The following DPYD variants were observed in gnomAD, a reference collection of about 807,000 sequenced individuals.
DPYD encodes the protein dihydropyrimidine dehydrogenase [NADP(+)].
Under a neutral mutation model 116.2 loss-of-function variants are expected in DPYD, and 109 were observed. The observed-to-expected ratio is 0.94, with a 90% CI of 0.80 to 1.10. The LOEUF is 1.10. DPYD is among the 50% of genes least tolerant of loss of function. DPYD has a pLI of 0.00. For synonymous variants in DPYD, 440 were observed against 432.0 expected, an observed-to-expected ratio of 1.02 and a Z score of -0.23; for missense variants, 1,302 against 1,254.5, an observed-to-expected ratio of 1.04 and a Z score of -0.57.
chr1:97,272,348 CT>C (rs1557989237), intron 18 of DPYD, among the ~76,000 whole-genome samples: 1 of 152,110 alleles, frequency 6.6e-6, no homozygotes, highest in Non-Finnish European at 1.5e-5. Flanking sequence ...TGTCTTTTAA[CT>C]GAGTAAACGA....
chr1:97,583,359 C>T (rs572157639), intron 10 of DPYD, among the ~76,000 whole-genome samples: 74 of 152,216 alleles, frequency 4.9e-4, no homozygotes, highest in Middle Eastern at 6.8e-3. Flanking sequence ...GGTACATGTG[C>T]ACAATGTGCA....
intron 2 of DPYD, among the ~76,000 whole-genome samples, chr1:97,851,622 T>C (rs554178624): frequency 4.0e-4 from 61 of 151,646 alleles, no homozygotes; most frequent in African/African-American, 1.5e-3. Context: ...GAAGTCCAAA[T>C]ATGATATTTA....
At chr1:97,592,954 T>C (rs992399992) in intron 10 of DPYD, among the ~76,000 whole-genome samples, 12 of 152,172 alleles carry the variant, frequency 7.9e-5, no homozygotes, top group East Asian at 7.7e-4. Flanking sequence ...ACTAGTTACA[T>C]AGAATACATT....
intron 1 of DPYD, among the ~76,000 whole-genome samples, chr1:97,897,033 CTAT>C (rs1308038507): frequency 1.3e-5 from 2 of 151,828 alleles, no homozygotes; most frequent in African/African-American, 2.4e-5. Flanking sequence ...TTTTTACCTA[CTAT>C]TGTTTCCTTT....
intron 13 of DPYD, among the ~76,000 whole-genome samples, chr1:97,470,119 A>G (rs1008235403): frequency 6.6e-6 from 1 of 152,184 alleles, no homozygotes; most frequent in South Asian, 2.1e-4. Flanking sequence ...GATTCTCATA[A>G]ACTTCATACA....
chr1:97,544,587 C>T (rs1256059129), intron 12 of DPYD, among the ~76,000 whole-genome samples: 1 of 151,470 alleles, frequency 6.6e-6, no homozygotes, highest in Non-Finnish European at 1.5e-5. Flanking sequence ...TCCTATCTGC[C>T]ATTACATGGA....
intron 14 of DPYD, among the ~76,000 whole-genome samples, chr1:97,413,465 T>TTTTG (rs998173298): frequency 3.3e-5 from 5 of 152,134 alleles, no homozygotes; most frequent in Non-Finnish European, 5.9e-5. Context: ...TTCGTTGTTT[T>TTTTG]TTTGTTTGTT....
chr1:97,371,098 C>A (rs1264874943), intron 16 of DPYD, among the ~76,000 whole-genome samples: 1 of 151,698 alleles, frequency 6.6e-6, no homozygotes, highest in East Asian at 1.9e-4. Context: ...ATCAGTGTTA[C>A]ATCTATATAA....
At chr1:97,642,024 C>A (rs547800658) in intron 8 of DPYD, among the ~76,000 whole-genome samples, 1 of 151,978 alleles carries the variant, frequency 6.6e-6, no homozygotes, top group Non-Finnish European at 1.5e-5. Context: ...GAATAAAATA[C>A]CTAGGAATAC....
chr1:97,362,719 A>G (rs759011019), intron 16 of DPYD, among the ~76,000 whole-genome samples: 3 of 152,208 alleles, frequency 2.0e-5, no homozygotes, highest in Non-Finnish European at 2.9e-5. Flanking sequence ...TCCTTATTTA[A>G]TAAATGGTTC....
chr1:97,194,693 C>T (rs1001008555), intron 19 of DPYD, among the ~76,000 whole-genome samples: 10 of 151,766 alleles, frequency 6.6e-5, no homozygotes, highest in African/African-American at 2.2e-4. Context: ...TTAGTAGGAA[C>T]GGGGTTTCAC....
At chr1:97,520,867 G>A (rs1396009209) in intron 12 of DPYD, among the ~76,000 whole-genome samples, 2 of 152,066 alleles carry the variant, frequency 1.3e-5, no homozygotes, top group African/African-American at 4.8e-5. Flanking sequence ...TCTTTATCTA[G>A]TCTATCTCTG....
intron 2 of DPYD, among the ~76,000 whole-genome samples, chr1:97,875,733 C>A (rs1221172401): frequency 1.3e-5 from 2 of 151,802 alleles, no homozygotes; most frequent in Non-Finnish European, 2.9e-5. Context: ...GTGTTATTTT[C>A]TTTAATTTTC....
chr1:97,840,194 G>T (rs1192263099), intron 2 of DPYD, among the ~76,000 whole-genome samples: 3 of 151,854 alleles, frequency 2.0e-5, no homozygotes, highest in African/African-American at 7.3e-5. Context: ...TATAAATCAG[G>T]AGACAACAAT....
intron 2 of DPYD, among the ~76,000 whole-genome samples, chr1:97,869,882 T>A (rs140523224): frequency 6.6e-6 from 1 of 151,840 alleles, no homozygotes; most frequent in Non-Finnish European, 1.5e-5. Context: ...CTTGTGCACA[T>A]ATAAATTAAA....
intron 16 of DPYD, among the ~76,000 whole-genome samples, chr1:97,348,048 G>A (rs1214805409): frequency 1.3e-5 from 2 of 152,056 alleles, no homozygotes; most frequent in Admixed American, 6.6e-5. Flanking sequence ...AATAGCTTTT[G>A]CTTGTACAGT....
At chr1:97,626,175 G>A (rs947708370) in intron 8 of DPYD, among the ~76,000 whole-genome samples, 15 of 151,798 alleles carry the variant, frequency 9.9e-5, no homozygotes, top group African/African-American at 3.1e-4. Flanking sequence ...TATTTCCCAC[G>A]GTGCCAAGTC....
chr1:97,649,058 G>A (rs1429159721), intron 8 of DPYD, among the ~76,000 whole-genome samples: 1 of 152,002 alleles, frequency 6.6e-6, no homozygotes, highest in Non-Finnish European at 1.5e-5. Flanking sequence ...GTCCTTTGAT[G>A]TTAAGCATGT....
intron 16 of DPYD, among the ~76,000 whole-genome samples, chr1:97,333,422 T>C (rs978554215): frequency 2.6e-5 from 4 of 151,636 alleles, no homozygotes; most frequent in Non-Finnish European, 4.4e-5. Context: ...ATGGTCTTGA[T>C]CTCCTGACCT....
Sources: allele counts gnomAD v4.1 joint callset (sites outside exome capture counted in the v4.1 genomes callset), GRCh38; gene constraint gnomAD v4.1.1; transcripts MANE v1.5; gene names NCBI Gene and HGNC (gene_info 2026-07-23, HGNC 2026-07-21).